Variants in PCDH11X observed in about 807,000 individuals in gnomAD.
PCDH11X encodes protocadherin-11 X-linked.
A neutral mutation model predicts 53.3 loss-of-function variants in PCDH11X; 18 were observed. The ratio of observed to expected loss-of-function variants is 0.34; its 90% CI spans 0.23 to 0.50. PCDH11X has a LOEUF of 0.50. Among genes scored for constraint, PCDH11X ranks in the 20% least tolerant of loss-of-function variants. PCDH11X has a pLI of 0.98. For synonymous variants in PCDH11X, 279 were observed against 393.3 expected (o/e 0.71, Z 3.44); for missense variants, 570 against 1,032.4 (o/e 0.55, Z 6.14).
At chrX:92,438,939 A>G (rs1238138117) in intron 9 of PCDH11X, among the ~76,000 whole-genome samples, 1 of 111,350 alleles carries the variant, frequency 9.0e-6, no homozygotes, top group African/African-American at 3.3e-5. Flanking sequence ...ATGGGTGAGA[A>G]AAAGATATTT....
At chrX:92,153,336 A>T (rs1362266495) in intron 6 of PCDH11X, among the ~76,000 whole-genome samples, 1 of 91,567 alleles carries the variant, frequency 1.1e-5, no homozygotes, top group Non-Finnish European at 2.1e-5. Flanking sequence ...ATAAATAAAT[A>T]TACACACACA....
At chrX:92,575,084 C>G (rs1390212552) in intron 10 of PCDH11X, among the ~76,000 whole-genome samples, 1 of 110,557 alleles carries the variant, frequency 9.0e-6, no homozygotes, top group Non-Finnish European at 1.9e-5. Flanking sequence ...TCACTTCATT[C>G]TATTTGGTTT....
intron 6 of PCDH11X, among the ~76,000 whole-genome samples, chrX:92,193,437 T>C (rs1427307322): frequency 9.0e-6 from 1 of 111,196 alleles, no homozygotes; most frequent in African/African-American, 3.3e-5. Context: ...CGTGCTTTTC[T>C]TTGTAGGGGC....
chrX:92,053,760 G>A (rs1274772990), intron 6 of PCDH11X, among the ~76,000 whole-genome samples: 1 of 109,352 alleles, frequency 9.1e-6, no homozygotes, highest in African/African-American at 3.3e-5. Context: ...TAGTAGAGAC[G>A]GCGTTTCACC....
intron 6 of PCDH11X, among the ~76,000 whole-genome samples, chrX:92,110,658 A>G (rs978691759): frequency 1.8e-5 from 2 of 111,433 alleles, no homozygotes; most frequent in African/African-American, 6.5e-5. Flanking sequence ...GCACCTGTAA[A>G]GATAAGCTAT....
intron 8 of PCDH11X, among the ~76,000 whole-genome samples, chrX:92,301,473 T>A (rs2068720276): frequency 9.2e-6 from 1 of 108,868 alleles, no homozygotes; most frequent in African/African-American, 3.4e-5. Context: ...CCACATAGGC[T>A]GGAATTCTGC....
At chrX:92,012,430 G>T (rs1482847174) in intron 6 of PCDH11X, among the ~76,000 whole-genome samples, 1 of 111,335 alleles carries the variant, frequency 9.0e-6, no homozygotes, top group Non-Finnish European at 1.9e-5. Context: ...ATTGGCTTCT[G>T]TAAGAGGACT....
chrX:91,969,666 T>C (rs1024662439), intron 6 of PCDH11X, among the ~76,000 whole-genome samples: 4 of 108,104 alleles, frequency 3.7e-5, no homozygotes, highest in Non-Finnish European at 7.7e-5. Flanking sequence ...GGCGTGGTGG[T>C]ATGCTCCTGT....
chrX:91,994,933 A>G (rs1003395364), intron 6 of PCDH11X, among the ~76,000 whole-genome samples: 2 of 111,779 alleles, frequency 1.8e-5, no homozygotes, highest in African/African-American at 6.5e-5. Context: ...CTTGTTAGCC[A>G]TCATTTTTTT....
chrX:91,861,324 C>G (rs1230509543), intron 5 of PCDH11X, among the ~76,000 whole-genome samples: 1 of 111,051 alleles, frequency 9.0e-6, no homozygotes, highest in African/African-American at 3.3e-5. Flanking sequence ...GTGGTGATAT[C>G]CCCTTTATCA....
At chrX:92,487,438 G>A (rs2073668290) in intron 10 of PCDH11X, among the ~76,000 whole-genome samples, 1 of 111,100 alleles carries the variant, frequency 9.0e-6, no homozygotes, top group African/African-American at 3.3e-5. Flanking sequence ...ACTTAATACT[G>A]TCATCCTATT....
rs2062304035 is a variant in PCDH11X at position 91,990,486 on chromosome X, T to C, written c.3033+111213T>C. 2.7e-5 allele frequency among the ~76,000 whole-genome samples: 3 copies of C among 111,607 alleles called. No individual in the cohort carries two copies. In the South Asian group the frequency reaches 1.1e-3, roughly 42 times the overall value. The stretch of plus-strand genomic sequence containing the variant: ...TGTCTGTTGCTTGCTTTATCACTTT[T>C]ATATGGAGATTTCCCTGCTTCATGG... On this transcript the variant is annotated intron_variant, in intron 6 of 10. Coordinates refer to ENST00000682573, the MANE Select transcript of PCDH11X (RefSeq NM_032968.5).
chrX:92,219,079 T>A (rs747245269), intron 7 of PCDH11X, among the ~76,000 whole-genome samples: 1 of 110,717 alleles, frequency 9.0e-6, no homozygotes, highest in Non-Finnish European at 1.9e-5. Context: ...GACAAACCCA[T>A]GGCCAATATC....
chrX:92,100,611 C>T (rs1602915353), intron 6 of PCDH11X, among the ~76,000 whole-genome samples: 1 of 111,139 alleles, frequency 9.0e-6, no homozygotes, highest in East Asian at 2.8e-4. Flanking sequence ...TGTGATTCTT[C>T]AGTTACTTCC....
rs192670620 is a variant in PCDH11X, at chrX:92,496,422, G to A, written c.3367+28100G>A. Among the ~76,000 whole-genome samples, 193 of 107,403 alleles carry A rather than the reference G, an allele frequency of 1.8e-3. 2 individuals carry two copies. Among genetic ancestry groups the A allele is most frequent in the Non-Finnish European group, 3.0e-3 (157 of 52,856 alleles). The allele number at this position is 107,403 out of a possible 115,157, so 93.3% of individuals were successfully genotyped here. A position where few individuals can be genotyped will look rare whatever the true frequency, so the allele number is the denominator to read the frequency against. ...CAACTCTTTTATGTAGGCCATCTAG[G>A]AATTAATCGTTGGAGGAAAAGTAAC... On this transcript the variant is annotated intron_variant, in intron 10 of 10. Transcript: ENST00000682573.
chrX:92,275,364 T>C (rs961857457), intron 8 of PCDH11X, among the ~76,000 whole-genome samples: 1 of 107,571 alleles, frequency 9.3e-6, no homozygotes, highest in African/African-American at 3.4e-5. Flanking sequence ...ATGAGAATTA[T>C]GCCGAGATAG....
In PCDH11X at chrX:92,461,196, G is replaced by T. The variant is rs142192748; in HGVS notation, c.3344-7103G>T. ...CACCGATGACATTCTTCAGAGAAAT[G>T]GAAAAAATAATCCTAAAATTTATAT... On this transcript the variant is annotated intron_variant, in intron 9 of 10. Transcript: ENST00000682573. 8.6e-3 allele frequency among the ~76,000 whole-genome samples: 948 copies of T among 110,032 alleles called. 11 individuals are homozygous for T. Among genetic ancestry groups the T allele is most frequent in the African/African-American group, 0.03 (903 of 30,069 alleles).
At chrX:92,282,798 A>G (rs891476955) in intron 8 of PCDH11X, among the ~76,000 whole-genome samples, 5 of 111,171 alleles carry the variant, frequency 4.5e-5, no homozygotes, top group Admixed American at 1.9e-4. Flanking sequence ...CTGGGAAGCT[A>G]TGGGCAGATT....
chrX:92,603,508 C>T (rs2750679), intron 10 of PCDH11X, among the ~76,000 whole-genome samples: 7 of 106,410 alleles, frequency 6.6e-5, no homozygotes, highest in Admixed American at 5.1e-4. Context: ...GAGATCCACA[C>T]GGACACATTT....
Sources: allele counts gnomAD v4.1 joint callset (sites outside exome capture counted in the v4.1 genomes callset), GRCh38; gene constraint gnomAD v4.1.1; transcripts MANE v1.5; gene names NCBI Gene and HGNC (gene_info 2026-07-23, HGNC 2026-07-21).